The following PHACTR3 variants were observed in gnomAD, a reference collection of about 807,000 sequenced individuals.
The protein encoded by PHACTR3 is phosphatase and actin regulator 3, also known as protein phosphatase 1, regulatory subunit 123.
PHACTR3 carries 16 observed loss-of-function variants against 66.8 expected under a neutral mutation model. That is an observed-to-expected ratio of 0.24 (90% confidence interval 0.16 to 0.36). The LOEUF is 0.36. Among genes scored for constraint, PHACTR3 ranks in the 10% least tolerant of loss-of-function variants. PHACTR3 has a pLI of 1.00. For synonymous variants in PHACTR3, 323 were observed against 292.1 expected, an observed-to-expected ratio of 1.11 and a Z score of -1.08; for missense variants, 647 against 719.9, an observed-to-expected ratio of 0.90 and a Z score of 1.16.
intron 1 of PHACTR3, among the ~76,000 whole-genome samples, chr20:59,581,175 C>G (rs907905273): frequency 6.6e-6 from 1 of 152,236 alleles, no homozygotes; most frequent in Non-Finnish European, 1.5e-5. Context: ...ACAGCTGTGC[C>G]CACCTGACCT....
chr20:59,582,571 T>C (rs1028424985), intron 1 of PHACTR3, among the ~76,000 whole-genome samples: 1 of 152,236 alleles, frequency 6.6e-6, no homozygotes, highest in Non-Finnish European at 1.5e-5. Flanking sequence ...GAGGTACCCG[T>C]TTCTCTCGCC....
At chr20:59,625,750 C>CT (rs1294586256) in intron 1 of PHACTR3, among the ~76,000 whole-genome samples, 1 of 152,182 alleles carries the variant, frequency 6.6e-6, no homozygotes, top group Non-Finnish European at 1.5e-5. Flanking sequence ...TGCACCGTCT[C>CT]TGTCTTGCGT....
chr20:59,625,027 C>T (rs549067109), intron 1 of PHACTR3, among the ~76,000 whole-genome samples: 25 of 152,148 alleles, frequency 1.6e-4, no homozygotes, highest in Non-Finnish European at 2.8e-4. Context: ...TGCTGTGACG[C>T]CTTTTCTGAC....
intron 1 of PHACTR3, among the ~76,000 whole-genome samples, chr20:59,617,672 T>G (rs923462980): frequency 2.0e-5 from 3 of 152,162 alleles, no homozygotes; most frequent in Admixed American, 6.5e-5. Context: ...GGGCTGACAT[T>G]CTGGGTGCCT....
At chr20:59,774,623 G>T (rs2040464693) in intron 7 of PHACTR3, 133 bp downstream of exon 7, 7 of 1,244,736 alleles carry the variant, frequency 5.6e-6, no homozygotes, top group Non-Finnish European at 7.7e-6. Flanking sequence ...ACAAGAGGGG[G>T]GCTGTGTCCT....
At chr20:59,728,839 A>G (rs969837116) in intron 1 of PHACTR3, among the ~76,000 whole-genome samples, 2 of 145,612 alleles carry the variant, frequency 1.4e-5, no homozygotes, top group Admixed American at 1.4e-4. Flanking sequence ...AAATAACAGC[A>G]CCGTGGAGGG....
intron 1 of PHACTR3, among the ~76,000 whole-genome samples, chr20:59,681,265 T>C (rs2036634636): frequency 6.6e-6 from 1 of 152,208 alleles, no homozygotes; most frequent in Non-Finnish European, 1.5e-5. Flanking sequence ...ATTCCACACG[T>C]ACACACATGT....
chr20:59,670,076 G>C (rs774654654), intron 1 of PHACTR3, among the ~76,000 whole-genome samples: 4 of 152,234 alleles, frequency 2.6e-5, no homozygotes, highest in Non-Finnish European at 5.9e-5. Flanking sequence ...AACTAGGCAG[G>C]TAAGACTCTT....
chr20:59,822,578 C>T (rs1345287695), intron 8 of PHACTR3, among the ~76,000 whole-genome samples: 1 of 151,924 alleles, frequency 6.6e-6, no homozygotes, highest in Non-Finnish European at 1.5e-5. Context: ...TGGTGCACCT[C>T]AGTGCCATTG....
intron 1 of PHACTR3, among the ~76,000 whole-genome samples, chr20:59,632,033 G>A (rs978951203): frequency 1.2e-4 from 18 of 152,128 alleles, no homozygotes; most frequent in African/African-American, 3.4e-4. Context: ...CCTCCCTATC[G>A]TCCTCACCTT....
At chr20:59,732,230 G>A (rs977353811) in intron 1 of PHACTR3, among the ~76,000 whole-genome samples, 7 of 152,140 alleles carry the variant, frequency 4.6e-5, no homozygotes, top group East Asian at 1.9e-4. Flanking sequence ...GGGAAACACC[G>A]GTGTCATGCC....
At chr20:59,755,130 G>A (rs2039737440) in intron 3 of PHACTR3, 52 bp from the exon 4 acceptor site, 2 of 1,562,066 alleles carry the variant, frequency 1.3e-6, no homozygotes, top group Non-Finnish European at 1.7e-6. Context: ...GACGACGGAA[G>A]GGATGAAGGA....
intron 1 of PHACTR3, among the ~76,000 whole-genome samples, chr20:59,610,794 C>T (rs2033823075): frequency 6.6e-6 from 1 of 152,214 alleles, no homozygotes; most frequent in Admixed American, 6.5e-5. Flanking sequence ...TGTGCTAACA[C>T]TTGGTAGTTC....
chr20:59,767,570 A>T (rs949415320), intron 5 of PHACTR3, among the ~76,000 whole-genome samples, 175 bp downstream of exon 5: 3 of 152,160 alleles, frequency 2.0e-5, no homozygotes, highest in Non-Finnish European at 1.5e-5. Context: ...GGTTCTCATC[A>T]TTAGCTTCTG....
intron 8 of PHACTR3, among the ~76,000 whole-genome samples, chr20:59,809,919 G>A (rs983515251): frequency 6.6e-6 from 1 of 152,134 alleles, no homozygotes; most frequent in Non-Finnish European, 1.5e-5. Context: ...TTTATGGTTC[G>A]CACTATTTGT....
intron 7 of PHACTR3, among the ~76,000 whole-genome samples, chr20:59,786,776 C>T (rs2146943174): frequency 6.6e-6 from 1 of 151,850 alleles, no homozygotes; most frequent in South Asian, 2.1e-4. Flanking sequence ...CCGTGGAGCT[C>T]TCTCTGTGCA....
chr20:59,628,895 G>A lies in PHACTR3; in HGVS notation c.118+23763G>A, dbSNP rs73301446. The A allele has an allele frequency of 6.6e-3, 5,605 of 844,958 alleles. 288 individuals are homozygous for A. In the African/African-American group the frequency reaches 0.095, roughly 14 times the overall value. The allele number at this position is 844,958 out of a possible 1,614,324, so 52.3% of individuals were successfully genotyped here. A position where few individuals can be genotyped will look rare whatever the true frequency, so the allele number is the denominator to read the frequency against. ...TTTTTTGAAATAATTTTAGACTCAC[G>A]TGGGGGTTGCAGAGCTTCCCTCAAT... On this transcript the variant is annotated intron_variant, in intron 1 of 12. Coordinates refer to ENST00000371015, the MANE Select transcript of PHACTR3 (RefSeq NM_080672.5).
chr20:59,674,779 T>C (rs1236855390), intron 1 of PHACTR3, among the ~76,000 whole-genome samples: 41 of 55,252 alleles, frequency 7.4e-4, no homozygotes, highest in South Asian at 1.2e-3. Flanking sequence ...TCCCCCTCCT[T>C]CTGTTTCCCC....
At chr20:59,791,287 T>C (rs2041086669) in intron 7 of PHACTR3, among the ~76,000 whole-genome samples, 3 of 152,204 alleles carry the variant, frequency 2.0e-5, no homozygotes, top group African/African-American at 7.2e-5. Flanking sequence ...CCCCTTGTTA[T>C]GCTGGTACCT....
Sources: allele counts gnomAD v4.1 joint callset (sites outside exome capture counted in the v4.1 genomes callset), GRCh38; gene constraint gnomAD v4.1.1; transcripts MANE v1.5; gene names NCBI Gene and HGNC (gene_info 2026-07-23, HGNC 2026-07-21).